Variants in COL23A1 observed in about 807,000 individuals in gnomAD.
COL23A1 encodes collagen type XXIII alpha 1 chain.
Under a neutral mutation model 99.3 loss-of-function variants are expected in COL23A1, and 97 were observed. The observed-to-expected ratio is 0.98, with a 90% CI of 0.83 to 1.16. The LOEUF (loss-of-function observed/expected upper bound fraction) is 1.16. Among genes scored for constraint, COL23A1 ranks in the 50% most tolerant of loss-of-function variants. The probability of loss-of-function intolerance (pLI) is 0.00; values close to 1 mark genes in which losing one functional copy is unlikely to be tolerated. For missense variants in COL23A1, 762 were observed against 757.4 expected (o/e 1.01, Z -0.07); for synonymous variants, 320 against 308.2 (o/e 1.04, Z -0.40).
intron 2 of COL23A1, among the ~76,000 whole-genome samples, chr5:178,372,545 A>G (rs1762853939): frequency 6.6e-6 from 1 of 152,186 alleles, no homozygotes; most frequent in Admixed American, 6.5e-5. Context: ...GGAGAGGGTG[A>G]GGTGGAGAGT....
intron 23 of COL23A1, 25 bp from the exon 24 acceptor site, chr5:178,246,332 G>C: frequency 6.4e-7 from 1 of 1,558,692 alleles, no homozygotes; most frequent in South Asian, 1.2e-5. Context: ...AATGAGTCAA[G>C]AGGCATGCTA....
intron 2 of COL23A1, among the ~76,000 whole-genome samples, chr5:178,350,059 C>T (rs1761229853): frequency 6.6e-6 from 1 of 152,224 alleles, no homozygotes; most frequent in South Asian, 2.1e-4. Context: ...ACCCTAAAAC[C>T]AGGTTACAAT....
At chr5:178,288,477 C>A in intron 4 of COL23A1, 127 bp from the exon 5 acceptor site, 3 of 817,252 alleles carry the variant, frequency 3.7e-6, no homozygotes, top group Non-Finnish European at 6.6e-6. Flanking sequence ...TCCTCTGCAG[C>A]GGGAGGACTC....
chr5:178,482,522 G>A (rs888889048), intron 2 of COL23A1, among the ~76,000 whole-genome samples: 1 of 152,188 alleles, frequency 6.6e-6, no homozygotes, highest in Non-Finnish European at 1.5e-5. Flanking sequence ...AAGGTTCTGA[G>A]ATGGATGGTG....
intron 2 of COL23A1, chr5:178,352,242 G>C (rs1298513356): frequency 6.6e-6 from 1 of 152,238 alleles, no homozygotes; most frequent in Non-Finnish European, 1.5e-5. Flanking sequence ...GATCAAGTTT[G>C]CAGAGCTACG....
rs70997606 is a variant in COL23A1 at position 178,517,568 on chromosome 5, G to GTTTTTTTTT, written c.361+43105_361+43113dup. 8.6e-3 allele frequency among the ~76,000 whole-genome samples: 928 copies of GTTTTTTTTT among 108,220 alleles called. 122 individuals are homozygous for GTTTTTTTTT. Among genetic ancestry groups the GTTTTTTTTT allele is most frequent in the African/African-American group, 0.032 (836 of 25,924 alleles). 71.0% of individuals were successfully genotyped at this position (108,220 alleles called of 152,430 possible). A position where few individuals can be genotyped will look rare whatever the true frequency, so the allele number is the denominator to read the frequency against. ...TCTCGGTGACAGCAGTTTTTTTTTT[G>GTTTTTTTTT]TTTTTTTTTTTGAGATGGAGTCTCA... On this transcript the variant is annotated intron_variant, in intron 2 of 28. Coordinates refer to ENST00000390654, the MANE Select transcript of COL23A1 (RefSeq NM_173465.4).
rs952569898 is a variant in COL23A1 at position 178,544,982 on chromosome 5, T to G, written c.361+15700A>C. ...GCACGTGCCTGTAGTCCCAGCTACT[T>G]GGGAGGCTGAGGTAAGAGGATCATT... On this transcript the variant is annotated intron_variant, in intron 2 of 28. Coordinates refer to ENST00000390654, the MANE Select transcript of COL23A1 (RefSeq NM_173465.4). The surrounding 1 kb of genome is among the most constrained non-coding windows in gnomAD (Gnocchi z 4.4). Among the ~76,000 whole-genome samples the G allele has an allele frequency of 2.6e-5, 4 of 152,050 alleles. No homozygotes were observed. The highest frequency in any genetic ancestry group is 4.4e-5 in the Non-Finnish European group (3 of 67,968).
chr5:178,518,250 ATTT>A (rs1476241242), intron 2 of COL23A1, among the ~76,000 whole-genome samples: 1 of 144,974 alleles, frequency 6.9e-6, no homozygotes, highest in Non-Finnish European at 1.5e-5. Flanking sequence ...AGGCAGAGGA[ATTT>A]TTCTTAGTGC....
rs571370901 is a variant in COL23A1 at position 178,301,620 on chromosome 5, C to T, written c.406+5255G>A. The stretch of plus-strand genomic sequence containing the variant: ...TATTGTTGTTGCTCTCCGTTGAGGG[C>T]CTTTCCTGGACTAATTCTTTAAAGT... On this transcript the variant is annotated intron_variant, in intron 3 of 28. Transcript: ENST00000390654. 2.0e-5 allele frequency among the ~76,000 whole-genome samples: 3 copies of T among 152,336 alleles called. 1 individual carries two copies. The South Asian group carries it at 6.2e-4, about 32-fold the overall frequency.
intron 2 of COL23A1, among the ~76,000 whole-genome samples, chr5:178,502,345 A>T (rs907043499): frequency 6.6e-6 from 1 of 152,104 alleles, no homozygotes; most frequent in African/African-American, 2.4e-5. Context: ...GTTAGCCAGG[A>T]TGGTCTCGAT....
At chr5:178,352,233 A>T (rs1374697112) in intron 2 of COL23A1, 1 of 152,216 alleles carries the variant, frequency 6.6e-6, no homozygotes, top group African/African-American at 2.4e-5. Context: ...CTGTGACTGG[A>T]TCAAGTTTGC....
chr5:178,484,606 G>T (rs1196174277), intron 2 of COL23A1, among the ~76,000 whole-genome samples: 1 of 151,888 alleles, frequency 6.6e-6, no homozygotes. Context: ...GGCGGATCAC[G>T]AGGTCGGGAG....
chr5:178,537,767 C>T (rs1562066280), intron 2 of COL23A1, among the ~76,000 whole-genome samples: 2 of 152,216 alleles, frequency 1.3e-5, no homozygotes, highest in Middle Eastern at 3.2e-3. Context: ...GTGCGCGGCA[C>T]GACGTTTAAG....
At chr5:178,288,224 A>G (rs1335172253) in intron 5 of COL23A1, 100 bp downstream of exon 5, 1 of 1,038,146 alleles carries the variant, frequency 9.6e-7, no homozygotes, top group Non-Finnish European at 1.5e-6. Flanking sequence ...TGAGGAGCAG[A>G]AGAGACAGGA....
intron 2 of COL23A1, among the ~76,000 whole-genome samples, chr5:178,511,723 C>T (rs1286977255): frequency 6.6e-6 from 1 of 152,154 alleles, no homozygotes; most frequent in Non-Finnish European, 1.5e-5. Flanking sequence ...CTGCACAGGA[C>T]CCCCAAGCAG....
At chr5:178,274,964 G>C (rs1358750955) in intron 5 of COL23A1, among the ~76,000 whole-genome samples, 1 of 152,236 alleles carries the variant, frequency 6.6e-6, no homozygotes, top group Non-Finnish European at 1.5e-5. Flanking sequence ...TCCCCATGGA[G>C]ATCAGCCGGG....
chr5:178,401,255 G>C (rs73803028), intron 2 of COL23A1, among the ~76,000 whole-genome samples: 2 of 152,198 alleles, frequency 1.3e-5, no homozygotes, highest in African/African-American at 4.8e-5. Flanking sequence ...TTCATCCATT[G>C]ATGGACATTG....
rs202016685 is a variant in COL23A1, at chr5:178,358,646, GTA to G, written c.362-51729_362-51728del. Reference sequence around the variant, plus strand: ...GTGTGTATGTGTCTAGTGTGTGTGTGTATGTGTACGTGTGTATGTGTCTAATG... The same window carrying G: ...GTGTGTATGTGTCTAGTGTGTGTGTGTGTGTACGTGTGTATGTGTCTAATG... On this transcript the variant is annotated intron_variant, in intron 2 of 28. Transcript: ENST00000390654. Among the ~76,000 whole-genome samples the G allele has an allele frequency of 2.4e-3, 352 of 147,522 alleles. 4 individuals carry two copies. Among genetic ancestry groups the G allele is most frequent in the Admixed American group, 0.021 (311 of 14,864 alleles).
Position 178,256,804 on chromosome 5 carries a change from C to T in COL23A1, c.837+62G>A, listed in dbSNP as rs1765323196. The T allele has an allele frequency of 1.1e-5, 16 of 1,513,994 alleles. No homozygotes were observed. The South Asian group carries it at 1.7e-4, about 16-fold the overall frequency. The allele number at this position is 1,513,994 out of a possible 1,614,324, so 93.8% of individuals were successfully genotyped here. On this transcript the variant is annotated intron_variant, in intron 14 of 28. Transcript: ENST00000390654. Reference sequence around the variant, plus strand: ...GAGAGCTGAAACCACATCTCCCACTCCCGACTGGGTGGAGGTCTGAGCGGG... The same window carrying T: ...GAGAGCTGAAACCACATCTCCCACTTCCGACTGGGTGGAGGTCTGAGCGGG...
Sources: gnomAD v4.1 joint callset for allele counts (sites outside exome capture counted in the v4.1 genomes callset) on GRCh38, gnomAD v4.1.1 for gene constraint, Gnocchi (gnomAD v3.1) non-coding constraint, MANE v1.5 for transcripts, NCBI Gene and HGNC (gene_info 2026-07-23, HGNC 2026-07-21) for gene names.